TCF3: variants seen among roughly 807,000 people sequenced by gnomAD.
TCF3 encodes transcription factor 3.
Under a neutral mutation model 72.3 loss-of-function variants are expected in TCF3, and 54 were observed. That is an observed-to-expected ratio of 0.75 (90% confidence interval 0.60 to 0.94). The LOEUF is 0.94. TCF3 is among the 40% of genes least tolerant of loss of function. TCF3 has a pLI of 0.00. For missense variants in TCF3, 1,078 were observed against 934.4 expected (o/e 1.15, Z -2.00); for synonymous variants, 525 against 412.6 (o/e 1.27, Z -3.30).
At chr19:1,644,614 A>G (rs1350642123) in intron 3 of TCF3, among the ~76,000 whole-genome samples, 1 of 152,156 alleles carries the variant, frequency 6.6e-6, no homozygotes, top group Non-Finnish European at 1.5e-5. Context: ...CAGAAAATAC[A>G]TCTGCAAACA....
chr19:1,644,019 AG>A (rs1293783959), intron 3 of TCF3, among the ~76,000 whole-genome samples: 1 of 152,232 alleles, frequency 6.6e-6, no homozygotes, highest in African/African-American at 2.4e-5. Context: ...CCACTGTTCC[AG>A]GAAGAAGCCG....
At chr19:1,644,364 A>T (rs2065764644) in intron 3 of TCF3, among the ~76,000 whole-genome samples, 1 of 150,512 alleles carries the variant, frequency 6.6e-6, no homozygotes. Flanking sequence ...CCCCGGGCTC[A>T]GGCGGGCGTT....
rs541696772 is a variant in TCF3 at position 1,619,217 on chromosome 19, G to C, written c.1344C>G (p.Pro448=). The C allele has an allele frequency of 6.3e-7, 1 of 1,596,802 alleles. No homozygotes were observed. The highest frequency in any genetic ancestry group is 1.8e-4 in the Middle Eastern group (1 of 5,624). Residue 448 remains proline (P), a synonymous_variant, in exon 16 of 19, where the codon CCC becomes CCG. Coordinates refer to ENST00000262965, the MANE Select transcript of TCF3 (RefSeq NM_003200.5). ...TGGTGCTGCCTGCGAGGCCGTCCTC[G>C]GGGTGGCTGCCTCCAACCTGCAGGC... The part of the protein sequence containing the change: ...RHAGLVGGSH[P]EDGLAGSTSL...
At chr19:1,646,999 T>C (rs1383364888) in intron 2 of TCF3, among the ~76,000 whole-genome samples, 5 of 151,994 alleles carry the variant, frequency 3.3e-5, no homozygotes, top group Admixed American at 3.3e-4. Context: ...GGGTATGGGT[T>C]TGCTTGGCAA....
chr19:1,642,166 G>A (rs866326917), intron 3 of TCF3, among the ~76,000 whole-genome samples: 34 of 135,134 alleles, frequency 2.5e-4, no homozygotes, highest in African/African-American at 8.2e-4. Context: ...ACACACACAC[G>A]CACGCGTACA....
intron 11 of TCF3, among the ~76,000 whole-genome samples, chr19:1,621,555 G>T (rs1003813231): frequency 2.0e-5 from 3 of 151,838 alleles, no homozygotes; most frequent in Non-Finnish European, 2.9e-5. Flanking sequence ...GACCCTGGGT[G>T]GGTGAGTCCC....
chr19:1,649,969 C>A (rs115704894), intron 2 of TCF3, among the ~76,000 whole-genome samples: 2 of 152,202 alleles, frequency 1.3e-5, no homozygotes, highest in Non-Finnish European at 2.9e-5. Context: ...ATGCTGCGTC[C>A]GGGCAAAAGC....
chr19:1,612,347 C>A (rs769011342), intron 18 of TCF3: 2 of 1,613,846 alleles, frequency 1.2e-6, no homozygotes, highest in Non-Finnish European at 1.7e-6. Context: ...ATCCCGCACG[C>A]GCACCCGCTC....
intron 16 of TCF3, 79 bp downstream of exon 16, chr19:1,619,032 C>T (rs931512329): frequency 1.2e-5 from 19 of 1,589,234 alleles, no homozygotes; most frequent in Non-Finnish European, 1.4e-5. Flanking sequence ...TGGGCTCCCA[C>T]CCTGACCCCC....
chr19:1,632,160 G>C (rs746888487), intron 4 of TCF3, 44 bp from the exon 5 acceptor site: 12 of 1,595,928 alleles, frequency 7.5e-6, no homozygotes, highest in Non-Finnish European at 9.4e-6. Flanking sequence ...GGGCTTCACA[G>C]GCCCCCCCTC....
At chr19:1,612,089 G>T in intron 18 of TCF3, 1 of 1,107,818 alleles carries the variant, frequency 9.0e-7, no homozygotes, top group Non-Finnish European at 1.3e-6. Flanking sequence ...TCTGAGTCCA[G>T]CCACAAAGAC....
chr19:1,643,035 G>A (rs1322792148), intron 3 of TCF3, among the ~76,000 whole-genome samples: 1 of 152,154 alleles, frequency 6.6e-6, no homozygotes, highest in East Asian at 1.9e-4. Context: ...TGTCTCCCGT[G>A]GCCTCAGAGC....
chr19:1,634,661 C>G (rs2064161218), intron 3 of TCF3, among the ~76,000 whole-genome samples: 1 of 152,212 alleles, frequency 6.6e-6, no homozygotes, highest in African/African-American at 2.4e-5. Flanking sequence ...GGACCGGGGA[C>G]TGGTCTTTGC....
Position 1,622,182 on chromosome 19 carries a change from C to T in TCF3, c.694G>A (p.Gly232Ser), listed in dbSNP as rs778016789. ...HPSAELWSPP[G>S]QAGFGPMLGG... ...AGCATGGGCCCGAAGCCCGCCTGGCCCGGGGGACTCCAGAGCTCGGCTGAG... is the reference window on the plus strand; with the variant it reads ...AGCATGGGCCCGAAGCCCGCCTGGCTCGGGGGACTCCAGAGCTCGGCTGAG... Residue 232 changes from glycine (G) to serine (S), a missense_variant, in exon 10 of 19, where the codon GGC (glycine) becomes AGC (serine). Transcript: ENST00000262965. 8.9e-6 allele frequency: 14 copies of T among 1,567,516 alleles called. No homozygotes were observed. In the African/African-American group the frequency reaches 1.6e-4, roughly 18 times the overall value.
chr19:1,624,697 G>C (rs944065480), intron 7 of TCF3, among the ~76,000 whole-genome samples: 3 of 152,192 alleles, frequency 2.0e-5, no homozygotes, highest in South Asian at 2.1e-4. Context: ...GATCACTCAC[G>C]GACGTGCGCA....
chr19:1,624,704 C>T (rs986200947), intron 7 of TCF3, among the ~76,000 whole-genome samples: 5 of 152,226 alleles, frequency 3.3e-5, no homozygotes, highest in African/African-American at 9.6e-5. Context: ...CACGGACGTG[C>T]GCACAGTGGG....
intron 1 of TCF3, among the ~76,000 whole-genome samples, chr19:1,651,861 G>C (rs911124635): frequency 6.7e-6 from 1 of 149,040 alleles, no homozygotes; most frequent in Non-Finnish European, 1.5e-5. Flanking sequence ...TCCCCGCGCA[G>C]ACAAAAGGAC....
At chr19:1,640,368 T>C (rs1053439375) in intron 3 of TCF3, among the ~76,000 whole-genome samples, 3 of 151,526 alleles carry the variant, frequency 2.0e-5, no homozygotes, top group African/African-American at 7.3e-5. Flanking sequence ...ACCCTGCCTC[T>C]ACTAAAAATA....
At chr19:1,649,202 C>A (rs757714884) in intron 2 of TCF3, among the ~76,000 whole-genome samples, 1 of 152,262 alleles carries the variant, frequency 6.6e-6, no homozygotes, top group Non-Finnish European at 1.5e-5. Flanking sequence ...GCTGTCTGCT[C>A]GGTGGCCCAT....
Sources: gnomAD v4.1 joint callset for allele counts (sites outside exome capture counted in the v4.1 genomes callset) on GRCh38, gnomAD v4.1.1 for gene constraint, MANE v1.5 for transcripts, NCBI Gene and HGNC (gene_info 2026-07-23, HGNC 2026-07-21) for gene names.